Variants in WDFY1 observed in about 807,000 individuals in gnomAD.
The protein encoded by WDFY1 is WD repeat and FYVE domain containing 1.
Under a neutral mutation model 56.4 loss-of-function variants are expected in WDFY1, and 32 were observed. The ratio of observed to expected loss-of-function variants is 0.57; its 90% CI spans 0.43 to 0.76. The LOEUF (loss-of-function observed/expected upper bound fraction) is 0.76, where lower values mean the gene tolerates loss of function less well. Among genes scored for constraint, WDFY1 ranks in the 30% least tolerant of loss-of-function variants. WDFY1 has a pLI of 0.00. For synonymous variants in WDFY1, 192 were observed against 197.3 expected, an observed-to-expected ratio of 0.97 and a Z score of 0.23; for missense variants, 480 against 545.7, an observed-to-expected ratio of 0.88 and a Z score of 1.20.
chr2:223,897,999 T>A (rs997017044), intron 6 of WDFY1, among the ~76,000 whole-genome samples: 1 of 152,192 alleles, frequency 6.6e-6, no homozygotes, highest in Non-Finnish European at 1.5e-5. Context: ...TAAACCTCTT[T>A]TCTTTATAAA....
chr2:223,934,506 T>C (rs982999986), intron 1 of WDFY1, among the ~76,000 whole-genome samples: 4 of 152,184 alleles, frequency 2.6e-5, no homozygotes, highest in African/African-American at 9.7e-5. Flanking sequence ...TTTTTCATGT[T>C]AGAAAAATTT....
intron 6 of WDFY1, among the ~76,000 whole-genome samples, chr2:223,895,897 C>A (rs551535616): frequency 6.6e-6 from 1 of 152,154 alleles, no homozygotes; most frequent in Non-Finnish European, 1.5e-5. Flanking sequence ...GTGACTCACA[C>A]TTGTAATCCC....
At chr2:223,919,631 C>A (rs1377478558) in intron 1 of WDFY1, among the ~76,000 whole-genome samples, 1 of 152,176 alleles carries the variant, frequency 6.6e-6, no homozygotes, top group Non-Finnish European at 1.5e-5. Context: ...CACCTCAGGA[C>A]CCCAAGGTGC....
chr2:223,915,975 T>C (rs542631394), intron 2 of WDFY1, among the ~76,000 whole-genome samples: 1 of 152,342 alleles, frequency 6.6e-6, no homozygotes, highest in Admixed American at 6.5e-5. Flanking sequence ...CCACAGTACA[T>C]GCAGACATGG....
At chr2:223,901,927 G>A (rs1029092759) in intron 4 of WDFY1, among the ~76,000 whole-genome samples, 3 of 152,218 alleles carry the variant, frequency 2.0e-5, no homozygotes, top group Non-Finnish European at 4.4e-5. Flanking sequence ...AATAACAGCT[G>A]AGAATGAGGA....
intron 1 of WDFY1, among the ~76,000 whole-genome samples, chr2:223,938,136 T>A (rs1288581404): frequency 6.6e-6 from 1 of 152,204 alleles, no homozygotes; most frequent in Admixed American, 6.5e-5. Context: ...ACATTTTAAA[T>A]CACATGAGAT....
rs116827754 is a variant in WDFY1, at chr2:223,938,116, A to G, written c.137+7032T>C. ...TTTACTCTTTCCCAGCCTAAGTGCA[A>G]CATCTCAAAACATTTTAAATCACAT... On this transcript the variant is annotated intron_variant, in intron 1 of 11. Transcript: ENST00000233055. Among the ~76,000 whole-genome samples, 412 of 152,336 alleles carry G rather than the reference A, an allele frequency of 2.7e-3. 2 individuals carry two copies. Among genetic ancestry groups the G allele is most frequent in the African/African-American group, 9.6e-3 (398 of 41,586 alleles).
intron 3 of WDFY1, among the ~76,000 whole-genome samples, chr2:223,906,257 T>C (rs905141191): frequency 2.5e-4 from 38 of 152,206 alleles, no homozygotes; most frequent in African/African-American, 9.2e-4. Flanking sequence ...CACTTCTTCC[T>C]GCCCAGATCA....
chr2:223,899,823 G>T (rs529155787), intron 5 of WDFY1, among the ~76,000 whole-genome samples: 6 of 152,124 alleles, frequency 3.9e-5, no homozygotes, highest in African/African-American at 1.4e-4. Flanking sequence ...GCTCTGAAAC[G>T]TAATGGTTAT....
chr2:223,900,960 G>C, intron 5 of WDFY1: 1 of 482,830 alleles, frequency 2.1e-6, no homozygotes, highest in Non-Finnish European at 3.6e-6. Flanking sequence ...CAAACTTACG[G>C]AAGTTCTCGG....
At chr2:223,878,850 TCA>T in intron 11 of WDFY1, 120 bp from the exon 12 acceptor site, 1 of 1,251,140 alleles carries the variant, frequency 8.0e-7, no homozygotes, top group Non-Finnish European at 1.1e-6. Context: ...ATGAATTTTC[TCA>T]TTCTCCTCTT....
intron 1 of WDFY1, among the ~76,000 whole-genome samples, chr2:223,937,875 G>T (rs952245814): frequency 6.6e-6 from 1 of 152,116 alleles, no homozygotes; most frequent in Non-Finnish European, 1.5e-5. Context: ...ATGAATTCCA[G>T]CTATGCCAGC....
intron 1 of WDFY1, among the ~76,000 whole-genome samples, chr2:223,921,250 C>G (rs759155993): frequency 2.0e-5 from 3 of 152,154 alleles, no homozygotes; most frequent in African/African-American, 4.8e-5. Flanking sequence ...TGACCTAGCA[C>G]CACAGTGAGA....
chr2:223,899,573 C>T (rs764181524), intron 5 of WDFY1, among the ~76,000 whole-genome samples: 1 of 151,974 alleles, frequency 6.6e-6, no homozygotes, highest in African/African-American at 2.4e-5. Context: ...GGTGAAACCC[C>T]GTCTCTACTA....
rs1559170225 is a variant in WDFY1, at chr2:223,912,400, TATATG to T, written c.206-79_206-75del. On this transcript the variant is annotated intron_variant, in intron 2 of 11. Transcript: ENST00000233055. ...GTTGTTCTTCAAAGTGATTAAGAAC[TATATG>T]ATAAGAACTATATAATTTAGGTTCA... 8 of 800,574 alleles carry T rather than the reference TATATG, an allele frequency of 1.0e-5. No individual in the cohort carries two copies. The South Asian group carries it at 1.7e-4, about 17-fold the overall frequency. 49.6% of individuals were successfully genotyped at this position (800,574 alleles called of 1,614,324 possible).
chr2:223,918,201 TAC>T (rs1247949087), intron 1 of WDFY1, among the ~76,000 whole-genome samples, 191 bp from the exon 2 acceptor site: 2 of 151,816 alleles, frequency 1.3e-5, no homozygotes, highest in Admixed American at 1.3e-4. Context: ...ATATATTATA[TAC>T]AGATACATAT....
At chr2:223,887,116 T>C (rs1693186040) in intron 8 of WDFY1, among the ~76,000 whole-genome samples, 1 of 152,182 alleles carries the variant, frequency 6.6e-6, no homozygotes, top group Non-Finnish European at 1.5e-5. Flanking sequence ...GTGAGAAAGA[T>C]TATTTTCTTG....
At chr2:223,894,488 A>G in intron 7 of WDFY1, 149 bp from the exon 8 acceptor site, 1 of 705,748 alleles carries the variant, frequency 1.4e-6, no homozygotes, top group Non-Finnish European at 2.4e-6. Flanking sequence ...ATTCTAGTAT[A>G]AACTTTACTT....
Position 223,882,055 on chromosome 2 carries a change from G to A in WDFY1, c.951C>T (p.Cys317=), listed in dbSNP as rs143771492. The change falls in exon 10 of 12, where the codon TGC becomes TGT. Residue 317 remains cysteine (C), a synonymous_variant. Transcript: ENST00000233055. ...TGCACTTCCCGCAGACAGCCTGCCC[G>A]CATTTCCTGCAGTGATGCTTCACAG... The part of the protein sequence containing the change: ...LGLRQHHCRK[C]GQAVCGKCSS... 4.1e-5 allele frequency: 66 copies of A among 1,613,392 alleles called. No homozygotes were observed. Among genetic ancestry groups the A allele is most frequent in the African/African-American group, 3.5e-4 (26 of 75,032 alleles).
Sources: allele counts gnomAD v4.1 joint callset (sites outside exome capture counted in the v4.1 genomes callset), GRCh38; gene constraint gnomAD v4.1.1; transcripts MANE v1.5; gene names NCBI Gene and HGNC (gene_info 2026-07-23, HGNC 2026-07-21).